The following FBXL2 variants were observed in gnomAD, a reference collection of about 807,000 sequenced individuals.
FBXL2 encodes F-box/LRR-repeat protein 2.
In FBXL2, 38 loss-of-function variants were observed where a neutral mutation model predicts 69.2. That is an observed-to-expected ratio of 0.55 (90% CI 0.42 to 0.72). The LOEUF (loss-of-function observed/expected upper bound fraction) is 0.72. Among genes scored for constraint, FBXL2 ranks in the 30% least tolerant of loss-of-function variants. FBXL2 has a pLI of 0.00. For missense variants in FBXL2, 354 were observed against 520.3 expected, an observed-to-expected ratio of 0.68 and a Z score of 3.11; for synonymous variants, 192 against 201.3, an observed-to-expected ratio of 0.95 and a Z score of 0.39.
chr3:33,314,249 T>G (rs926427535), intron 2 of FBXL2, among the ~76,000 whole-genome samples: 2 of 152,224 alleles, frequency 1.3e-5, no homozygotes, highest in Admixed American at 6.5e-5. Flanking sequence ...CTGTCACCAC[T>G]CATGCTGTAC....
At chr3:33,293,368 C>G (rs2035438812) in intron 1 of FBXL2, among the ~76,000 whole-genome samples, 1 of 152,110 alleles carries the variant, frequency 6.6e-6, no homozygotes, top group Non-Finnish European at 1.5e-5. Context: ...CCATTAATAT[C>G]CCCATTTTGA....
rs546595062 is a variant in FBXL2, at chr3:33,313,173, T to C, written c.65+15448T>C. On this transcript the variant is annotated intron_variant, in intron 2 of 14. Coordinates refer to ENST00000484457, the MANE Select transcript of FBXL2 (RefSeq NM_012157.5). The stretch of plus-strand genomic sequence containing the variant: ...TTATAAACAACTTTATGCCAATAAA[T>C]TTAAGAAGTTAGATGAAATAAATTC... 2.0e-5 allele frequency among the ~76,000 whole-genome samples: 3 copies of C among 150,678 alleles called. No homozygotes were observed. In the South Asian group the frequency reaches 6.3e-4, roughly 32 times the overall value.
At chr3:33,290,904 GA>G (rs2035158608) in intron 1 of FBXL2, among the ~76,000 whole-genome samples, 1 of 151,704 alleles carries the variant, frequency 6.6e-6, no homozygotes, top group Non-Finnish European at 1.5e-5. Context: ...CACCTTGTCA[GA>G]AACAGTGCAG....
downstream of FBXL2, chr3:33,388,232 C>A (rs1359830706): frequency 6.6e-6 from 1 of 152,322 alleles, no homozygotes. Flanking sequence ...TGAGCCTAAC[C>A]TCTTACTACA....
At chr3:33,302,257 A>G (rs1227917534) in intron 2 of FBXL2, among the ~76,000 whole-genome samples, 1 of 152,200 alleles carries the variant, frequency 6.6e-6, no homozygotes, top group Non-Finnish European at 1.5e-5. Flanking sequence ...GACGAATTCA[A>G]TCTCAGTAGA....
intron 2 of FBXL2, among the ~76,000 whole-genome samples, chr3:33,337,884 A>C (rs964201266): frequency 6.6e-6 from 1 of 152,204 alleles, no homozygotes; most frequent in Non-Finnish European, 1.5e-5. Flanking sequence ...AAAAGAATAA[A>C]ATGCCTAGCA....
chr3:33,322,985 TTC>T (rs1439417499), intron 2 of FBXL2, among the ~76,000 whole-genome samples: 5 of 152,334 alleles, frequency 3.3e-5, no homozygotes, highest in Admixed American at 2.6e-4. Context: ...AATCTTTTGT[TTC>T]TCTGTTTCTC....
rs370341272 is a variant in FBXL2 at position 33,385,567 on chromosome 3, G to A, written c.1231G>A (p.Gly411Arg). Residue 411 changes from glycine (G) to arginine (R), a missense_variant, in exon 15 of 15, where the codon GGA becomes AGA. Physicochemically the swap from Gly to Arg is moderately radical, Grantham distance 125. Transcript: ENST00000484457. Reference sequence around the variant, plus strand: ...CGTCACCCCACCGACAGCAGTGGCAGGAAGTGGACAGCGACTGTGCAGGTG... The same window carrying A: ...CGTCACCCCACCGACAGCAGTGGCAAGAAGTGGACAGCGACTGTGCAGGTG... ...APVTPPTAVA[G>R]SGQRLCRCCV... 1.2e-5 allele frequency: 19 copies of A among 1,613,990 alleles called. No individual in the cohort carries two copies. Among genetic ancestry groups the A allele is most frequent in the Non-Finnish European group, 1.5e-5 (18 of 1,180,028 alleles).
chr3:33,356,023 A>AT (rs985476713), intron 2 of FBXL2, among the ~76,000 whole-genome samples: 4 of 152,056 alleles, frequency 2.6e-5, no homozygotes, highest in Non-Finnish European at 4.4e-5. Context: ...TAGGCAATCT[A>AT]TTTTTTCATT....
Position 33,384,308 on chromosome 3 carries a change from C to T in FBXL2, c.1164+107C>T. 3 of 1,103,874 alleles carry T rather than the reference C, an allele frequency of 2.7e-6. No homozygotes were observed. The East Asian group carries it at 7.7e-5, about 28-fold the overall frequency. 68.4% of individuals were successfully genotyped at this position (1,103,874 alleles called of 1,614,324 possible). On this transcript the variant is annotated intron_variant, in intron 14 of 14. Transcript: ENST00000484457. Reference sequence around the variant, plus strand: ...GCACGCGGTGGCTCACGCCTGTAATCCCAACACTTTCAGAAGCCAAGGTGG... The same window carrying T: ...GCACGCGGTGGCTCACGCCTGTAATTCCAACACTTTCAGAAGCCAAGGTGG...
At chr3:33,354,465 A>G (rs1290001216) in intron 2 of FBXL2, among the ~76,000 whole-genome samples, 1 of 151,992 alleles carries the variant, frequency 6.6e-6, no homozygotes, top group African/African-American at 2.4e-5. Context: ...GTGAGCCGAG[A>G]TCACGCCACT....
At position 33,364,629 on chromosome 3, in the gene FBXL2, G is replaced by A. The variant is rs747950097; in HGVS notation, c.200G>A (p.Arg67Gln). The A allele has an allele frequency of 2.2e-5, 35 of 1,613,918 alleles. No individual in the cohort carries two copies. The East Asian group carries it at 3.1e-4, about 14-fold the overall frequency. The change falls in exon 5 of 15, where the codon CGA (arginine) becomes CAA (glutamine). Residue 67 changes from arginine to glutamine, a missense_variant. Physicochemically the swap from Arg to Gln is conservative, Grantham distance 43 (BLOSUM62 1). Transcript: ENST00000484457. ...CCCGAACTTTCTTGATTAAAGGGTC[G>A]AGTGGTGGAAAATATCTCGAAGCGA... The part of the protein sequence containing the change: ...LFNFQTDVEG[R>Q]VVENISKRCG...
chr3:33,371,568 A>G (rs1340342690), intron 5 of FBXL2, among the ~76,000 whole-genome samples: 2 of 152,180 alleles, frequency 1.3e-5, no homozygotes, highest in South Asian at 2.1e-4. Context: ...ATTCTAGGCA[A>G]TAACATTATA....
At chr3:33,418,455 C>T in the FBXL2 span, among the ~76,000 whole-genome samples, 2 of 151,918 alleles carry the variant, frequency 1.3e-5, no homozygotes, top group Non-Finnish European at 2.9e-5. Context: ...GACAGGGTTT[C>T]GCCATGTTGG....
At chr3:33,295,664 G>A (rs1312350791) in intron 1 of FBXL2, among the ~76,000 whole-genome samples, 1 of 152,168 alleles carries the variant, frequency 6.6e-6, no homozygotes, top group Non-Finnish European at 1.5e-5. Flanking sequence ...CTGCCAGATT[G>A]TTTTCCAAAG....
chr3:33,310,797 T>C (rs1250268895), intron 2 of FBXL2, among the ~76,000 whole-genome samples: 1 of 151,922 alleles, frequency 6.6e-6, no homozygotes, highest in Non-Finnish European at 1.5e-5. Flanking sequence ...ACATTTGAGA[T>C]GGAGTCTAGT....
chr3:33,329,357 A>T (rs1019215387), intron 2 of FBXL2, among the ~76,000 whole-genome samples: 1 of 152,194 alleles, frequency 6.6e-6, no homozygotes, highest in Non-Finnish European at 1.5e-5. Context: ...AACAGTATGG[A>T]GGTTCCTAAA....
At chr3:33,329,454 G>A (rs1183543510) in intron 2 of FBXL2, among the ~76,000 whole-genome samples, 1 of 151,642 alleles carries the variant, frequency 6.6e-6, no homozygotes, top group Non-Finnish European at 1.5e-5. Context: ...ATATCAAAGA[G>A]ATATTTACAC....
At position 33,394,191 on chromosome 3, in the gene FBXL2, T is replaced by TTTATTATTA. The variant is rs148929407; in HGVS notation, n.1214+8490_1214+8498dup. Among the ~76,000 whole-genome samples, 950 of 143,406 alleles carry TTTATTATTA rather than the reference T, an allele frequency of 6.6e-3. 6 individuals are homozygous for TTTATTATTA. Among genetic ancestry groups the TTTATTATTA allele is most frequent in the African/African-American group, 0.011 (428 of 39,288 alleles). 94.1% of individuals were successfully genotyped at this position (143,406 alleles called of 152,430 possible). A position where few individuals can be genotyped will look rare whatever the true frequency, so the allele number is the denominator to read the frequency against. On this transcript the variant is annotated intron_variant and non_coding_transcript_variant, in intron 12 of 12. Transcript: ENST00000463736. ...CACACGCCACCATGCCTGGCTAATT[T>TTTATTATTA]TTATTATTATTATTATTATTATTAT...
Sources: allele counts gnomAD v4.1 joint callset (sites outside exome capture counted in the v4.1 genomes callset), GRCh38; gene constraint gnomAD v4.1.1; transcripts MANE v1.5; gene names NCBI Gene and HGNC (gene_info 2026-07-23, HGNC 2026-07-21).